Variants in DOCK1 observed in about 807,000 individuals in gnomAD.
DOCK1 encodes dedicator of cytokinesis protein 1.
Under a neutral mutation model 262.7 loss-of-function variants are expected in DOCK1, and 138 were observed. That is an observed-to-expected ratio of 0.53 (90% confidence interval 0.46 to 0.61). The LOEUF (loss-of-function observed/expected upper bound fraction) is 0.61, where lower values mean the gene tolerates loss of function less well. Among genes scored for constraint, DOCK1 ranks in the 20% least tolerant of loss-of-function variants. The probability of loss-of-function intolerance (pLI) is 0.00; values close to 1 mark genes in which losing one functional copy is unlikely to be tolerated. For missense variants in DOCK1, 1,908 were observed against 2,370.7 expected, an observed-to-expected ratio of 0.80 and a Z score of 4.05; for synonymous variants, 866 against 867.4, an observed-to-expected ratio of 1.00 and a Z score of 0.03.
Position 127,418,487 on chromosome 10 carries a change from C to G in DOCK1, c.4638C>G (p.Leu1546=). Residue 1546 remains leucine, a synonymous_variant, in exon 45 of 52, where the codon CTC becomes CTG. Transcript: ENST00000623213. ...TGCCCATCAACCCGCTCTCCATGCT[C>G]CTGAACGGCATCGTGGACCCAGCTG... ...PSLPINPLSM[L]LNGIVDPAVM... is the part of the protein sequence containing the mutation. 2 of 1,614,136 alleles carry G rather than the reference C, an allele frequency of 1.2e-6. No homozygotes were observed. The highest frequency in any genetic ancestry group is 1.7e-6 in the Non-Finnish European group (2 of 1,180,030).
At position 127,313,569 on chromosome 10, in the gene DOCK1, C is replaced by A. The variant is rs773842032; in HGVS notation, c.3045-25437C>A. 4.6e-5 allele frequency among the ~76,000 whole-genome samples: 7 copies of A among 152,160 alleles called. 1 individual carries two copies. Among genetic ancestry groups the A allele is most frequent in the Non-Finnish European group, 1.0e-4 (7 of 68,040 alleles). ...GATATTGTTGTGGGCTTGCTTTAGA[C>A]CTAACCGTACCCTTCAGGGGGCTTA... On this transcript the variant is annotated intron_variant, in intron 29 of 51. Coordinates refer to ENST00000623213, the MANE Select transcript of DOCK1 (RefSeq NM_001290223.2).
chr10:127,010,124 T>TA (rs2041317978), intron 11 of DOCK1, among the ~76,000 whole-genome samples: 1 of 152,226 alleles, frequency 6.6e-6, no homozygotes. Flanking sequence ...GCTTTAGGTT[T>TA]ACTCTCCTGT....
At chr10:127,316,172 C>T (rs1381031322) in intron 29 of DOCK1, among the ~76,000 whole-genome samples, 3 of 152,290 alleles carry the variant, frequency 2.0e-5, no homozygotes, top group East Asian at 3.9e-4. Context: ...GTGGTCAGAG[C>T]ACCTAAAATT....
chr10:127,270,551 C>T (rs904604736), intron 29 of DOCK1, among the ~76,000 whole-genome samples: 4 of 151,394 alleles, frequency 2.6e-5, no homozygotes, highest in African/African-American at 9.7e-5. Flanking sequence ...CCCTCTCTTC[C>T]TTCCTTCCTT....
chr10:127,271,812 A>C (rs2060578818), intron 29 of DOCK1, among the ~76,000 whole-genome samples: 1 of 152,236 alleles, frequency 6.6e-6, no homozygotes, highest in Non-Finnish European at 1.5e-5. Flanking sequence ...CTTTTGTAGC[A>C]GTTCATTTTG....
intron 27 of DOCK1, among the ~76,000 whole-genome samples, chr10:127,188,073 G>A (rs921465964): frequency 2.0e-5 from 3 of 152,172 alleles, no homozygotes; most frequent in African/African-American, 4.8e-5. Flanking sequence ...TGAATGTCAC[G>A]GGGGAGCAGG....
chr10:127,203,494 A>G (rs968107146), intron 27 of DOCK1, among the ~76,000 whole-genome samples: 1 of 152,230 alleles, frequency 6.6e-6, no homozygotes, highest in South Asian at 2.1e-4. Flanking sequence ...GTGATGTGAT[A>G]ACAAGCTATG....
intron 23 of DOCK1, among the ~76,000 whole-genome samples, chr10:127,086,865 C>T (rs931228310): frequency 6.6e-6 from 1 of 152,158 alleles, no homozygotes; most frequent in African/African-American, 2.4e-5. Flanking sequence ...GATAGGCATG[C>T]ATAATTAAAT....
chr10:127,234,953 T>C (rs2058991968), intron 27 of DOCK1, among the ~76,000 whole-genome samples: 1 of 146,838 alleles, frequency 6.8e-6, no homozygotes, highest in African/African-American at 2.5e-5. Flanking sequence ...ATATGGATTT[T>C]ATACATAAAA....
rs148325411 is a variant in DOCK1, at chr10:127,430,225, C to G, written c.4915-3058C>G. Among the ~76,000 whole-genome samples the G allele has an allele frequency of 1.5e-3, 229 of 152,342 alleles. 1 individual carries two copies. The highest frequency in any genetic ancestry group is 5.2e-3 in the African/African-American group (216 of 41,582). The stretch of plus-strand genomic sequence containing the variant: ...CACAGTTGGCCCCTGACCTGGCCCC[C>G]AGCTTCCAGGATTTCTCCTCTCTCG... On this transcript the variant is annotated intron_variant, in intron 47 of 51. Coordinates refer to ENST00000623213, the MANE Select transcript of DOCK1 (RefSeq NM_001290223.2).
At chr10:127,391,322 C>T (rs764468910) in intron 38 of DOCK1, among the ~76,000 whole-genome samples, 3 of 152,020 alleles carry the variant, frequency 2.0e-5, no homozygotes, top group African/African-American at 4.8e-5. Context: ...CTTGGGAGTT[C>T]TCACATGGCC....
intron 30 of DOCK1, 128 bp downstream of exon 30, chr10:127,339,212 G>A (rs1039804217): frequency 3.8e-6 from 3 of 783,172 alleles, no homozygotes; most frequent in African/African-American, 3.5e-5. Flanking sequence ...ATGCGGAAAC[G>A]GAATTTGTAG....
chr10:127,012,869 A>G lies in DOCK1; in HGVS notation c.1201+495A>G, dbSNP rs531942987. Among the ~76,000 whole-genome samples, 1 of 152,242 alleles carries G rather than the reference A, an allele frequency of 6.6e-6. No individual in the cohort carries two copies. Among genetic ancestry groups the G allele is most frequent in the South Asian group, 2.1e-4 (1 of 4,818 alleles). On this transcript the variant is annotated intron_variant, in intron 12 of 51. Transcript: ENST00000623213. The surrounding 1 kb of genome is among the most constrained non-coding windows in gnomAD (Gnocchi z 4.0). The stretch of plus-strand genomic sequence containing the variant: ...CTGCTGCTGGCAGAAGGAATGAATC[A>G]GTCACCTCGGGCTGGTGACAGTTGG...
chr10:127,080,480 T>C (rs2046838654), intron 23 of DOCK1, among the ~76,000 whole-genome samples: 1 of 152,136 alleles, frequency 6.6e-6, no homozygotes, highest in East Asian at 1.9e-4. Flanking sequence ...TACTATTTAA[T>C]ATCCAGCCCT....
chr10:127,025,020 C>G (rs1207316486), intron 15 of DOCK1: 9 of 392,618 alleles, frequency 2.3e-5, no homozygotes, highest in Admixed American at 3.9e-5. Context: ...ATGACAGAGT[C>G]TTTTTAAGAT....
rs2038445263 is a variant in DOCK1, at chr10:126,975,370, G to T, written c.131-2578G>T. Among the ~76,000 whole-genome samples the T allele has an allele frequency of 1.3e-5, 2 of 152,302 alleles. 1 individual carries two copies. ...TGGGCTGCGTTCCCAGGAGGGGGTT[G>T]CTGGGTCTTGGGTGTGGAGATGTAG... is the stretch of plus-strand genomic sequence containing the variant. On this transcript the variant is annotated intron_variant, in intron 2 of 51. Coordinates refer to ENST00000623213, the MANE Select transcript of DOCK1 (RefSeq NM_001290223.2).
At chr10:126,997,903 A>T (rs2040324718) in intron 7 of DOCK1, 189 bp from the exon 8 acceptor site, 2 of 682,484 alleles carry the variant, frequency 2.9e-6, no homozygotes, top group Admixed American at 5.9e-5. Context: ...CACAGGATAC[A>T]ATTTTTTGTC....
At chr10:127,076,763 C>G (rs921948860) in intron 23 of DOCK1, among the ~76,000 whole-genome samples, 1 of 152,218 alleles carries the variant, frequency 6.6e-6, no homozygotes, top group Non-Finnish European at 1.5e-5. Context: ...TCAGCCCCAT[C>G]TCTGCCCAGG....
In DOCK1 at chr10:127,264,263, C is replaced by A. The variant is rs1458143234; in HGVS notation, c.3044+6834C>A. On this transcript the variant is annotated intron_variant, in intron 29 of 51. Transcript: ENST00000623213. The stretch of plus-strand genomic sequence containing the variant: ...CCCTCTGCTCTCAGGATAATAAAGA[C>A]ATGAAACCAGCATTTGCATTTCCTC... 1.1e-4 allele frequency among the ~76,000 whole-genome samples: 17 copies of A among 152,198 alleles called. 1 individual carries two copies. The highest frequency in any genetic ancestry group is 1.0e-3 in the Admixed American group (16 of 15,272).
Sources: gnomAD v4.1 joint callset for allele counts (sites outside exome capture counted in the v4.1 genomes callset) on GRCh38, gnomAD v4.1.1 for gene constraint, Gnocchi (gnomAD v3.1) non-coding constraint, MANE v1.5 for transcripts, NCBI Gene and HGNC (gene_info 2026-07-23, HGNC 2026-07-21) for gene names.